Variants in STARD13 observed in about 807,000 individuals in gnomAD.
STARD13 encodes the protein stAR-related lipid transfer protein 13.
In STARD13, 62 loss-of-function variants were observed where a neutral mutation model predicts 106.4. The ratio of observed to expected loss-of-function variants is 0.58; its 90% CI spans 0.48 to 0.72. The LOEUF is 0.72. STARD13 is among the 30% of genes least tolerant of loss of function. The probability of loss-of-function intolerance (pLI) is 0.00; values close to 1 mark genes in which losing one functional copy is unlikely to be tolerated. For synonymous variants in STARD13, 565 were observed against 553.0 expected, an observed-to-expected ratio of 1.02 and a Z score of -0.31; for missense variants, 1,387 against 1,424.0, an observed-to-expected ratio of 0.97 and a Z score of 0.42.
intron 1 of STARD13, 86 bp downstream of exon 1, chr13:33,285,384 C>G: frequency 7.1e-7 from 1 of 1,408,058 alleles, no homozygotes; most frequent in Non-Finnish European, 9.7e-7. Context: ...AAAGTGGAAA[C>G]AAACAAACAA....
At chr13:33,286,902 G>A (rs531683008), upstream of STARD13, among the ~76,000 whole-genome samples, 8 of 151,974 alleles carry the variant, frequency 5.3e-5, no homozygotes, top group South Asian at 1.5e-3. Context: ...GTGTATATAT[G>A]TGTGTATATA....
the STARD13 span, among the ~76,000 whole-genome samples, chr13:33,443,044 A>T: frequency 6.6e-6 from 1 of 152,128 alleles, no homozygotes; most frequent in African/African-American, 2.4e-5. Flanking sequence ...GTTGCATAAC[A>T]ATCTGAATGT....
At chr13:33,161,493 T>C (rs894108829) in intron 3 of STARD13, among the ~76,000 whole-genome samples, 1 of 152,102 alleles carries the variant, frequency 6.6e-6, no homozygotes, top group Non-Finnish European at 1.5e-5. Context: ...TTTTGTATTT[T>C]TGGTAGGAAT....
At chr13:33,641,073 C>T in the STARD13 span, among the ~76,000 whole-genome samples, 9 of 152,198 alleles carry the variant, frequency 5.9e-5, no homozygotes, top group Non-Finnish European at 1.3e-4. Flanking sequence ...AGGGTATGAT[C>T]TAATGCTGAT....
the STARD13 span, among the ~76,000 whole-genome samples, chr13:33,380,125 C>A: frequency 1.4e-4 from 22 of 152,238 alleles, no homozygotes; most frequent in African/African-American, 4.3e-4. Context: ...GTGGCTCATG[C>A]CTGTAATCCC....
the STARD13 span, among the ~76,000 whole-genome samples, chr13:33,398,456 G>A: frequency 6.6e-6 from 1 of 152,036 alleles, no homozygotes; most frequent in Admixed American, 6.6e-5. Context: ...TTGGTCAACT[G>A]GACTTCATCA....
the STARD13 span, among the ~76,000 whole-genome samples, chr13:33,556,793 G>T: frequency 1.3e-5 from 2 of 151,076 alleles, no homozygotes; most frequent in Non-Finnish European, 3.0e-5. Context: ...TGTGAGACAG[G>T]GTCTCACTGT....
the STARD13 span, among the ~76,000 whole-genome samples, chr13:33,483,673 A>T: frequency 6.6e-6 from 1 of 152,180 alleles, no homozygotes; most frequent in Non-Finnish European, 1.5e-5. Flanking sequence ...GTTTTCCCAC[A>T]CTTGTAGTTA....
chr13:33,109,755 G>A, intron 12 of STARD13, 118 bp downstream of exon 12: 2 of 893,688 alleles, frequency 2.2e-6, no homozygotes, highest in Non-Finnish European at 3.5e-6. Flanking sequence ...ACAAGAGCCG[G>A]CTTAGTGTTC....
chr13:33,555,197 C>G, the STARD13 span, among the ~76,000 whole-genome samples: 2 of 152,230 alleles, frequency 1.3e-5, no homozygotes, highest in East Asian at 3.8e-4. Context: ...GGTGCCCTCT[C>G]AATCCATTCC....
At position 33,110,758 on chromosome 13, in the gene STARD13, T is replaced by C; in HGVS notation, c.2757A>G (p.Lys919=). 6.2e-7 allele frequency: 1 copy of C among 1,614,246 alleles called. No homozygotes were observed. Among genetic ancestry groups the C allele is most frequent in the Non-Finnish European group, 8.5e-7 (1 of 1,180,042 alleles). ...YLNHLIQGLQ[K]EAKEKFKGWV... is the part of the protein sequence containing the mutation. Reference sequence around the variant, plus strand: ...ATCCTTTGAACTTCTCCTTGGCTTCTTTCTGGAGGCCCTGGATGAGATGGT... The same window carrying C: ...ATCCTTTGAACTTCTCCTTGGCTTCCTTCTGGAGGCCCTGGATGAGATGGT... The change falls in exon 11 of 14, where the codon AAA becomes AAG. Residue 919 remains lysine (K), a synonymous_variant. Transcript: ENST00000336934.
chr13:33,242,171 G>A (rs888491224), intron 1 of STARD13, among the ~76,000 whole-genome samples: 1 of 152,120 alleles, frequency 6.6e-6, no homozygotes, highest in Non-Finnish European at 1.5e-5. Flanking sequence ...TGAGAAGTGA[G>A]GAGCCCCTCC....
rs997164805 is a variant in STARD13, at chr13:33,237,840, A to G, written c.169+47630T>C. On this transcript the variant is annotated intron_variant, in intron 1 of 13. Coordinates refer to ENST00000336934, the MANE Select transcript of STARD13 (RefSeq NM_178006.4). ...TCTTTATGGCTTAGAATCAAATGAA[A>G]CATTTTACCTGGTGACAAAAACCAA... is the stretch of plus-strand genomic sequence containing the variant. 6.6e-5 allele frequency among the ~76,000 whole-genome samples: 10 copies of G among 152,358 alleles called. No homozygotes were observed. In the East Asian group the frequency reaches 1.7e-3, roughly 26 times the overall value.
chr13:33,506,585 G>C, the STARD13 span, among the ~76,000 whole-genome samples: 1 of 152,136 alleles, frequency 6.6e-6, no homozygotes, highest in African/African-American at 2.4e-5. Flanking sequence ...AGAAGTGGAA[G>C]ATCTGCATAA....
the STARD13 span, among the ~76,000 whole-genome samples, chr13:33,591,510 T>C: frequency 6.6e-6 from 1 of 152,226 alleles, no homozygotes; most frequent in Non-Finnish European, 1.5e-5. Context: ...AAATGGAATC[T>C]ATGACCACAT....
chr13:33,171,823 C>A (rs1883997289), intron 1 of STARD13, among the ~76,000 whole-genome samples: 1 of 152,220 alleles, frequency 6.6e-6, no homozygotes, highest in Non-Finnish European at 1.5e-5. Context: ...ATCTGCGATT[C>A]CACTTAAGGC....
At chr13:33,297,079 G>A (rs1892524098) in intron 1 of STARD13, among the ~76,000 whole-genome samples, 1 of 152,230 alleles carries the variant, frequency 6.6e-6, no homozygotes, top group Admixed American at 6.5e-5. Flanking sequence ...TAGAGAATAT[G>A]TGTGTATGCA....
chr13:33,151,884 C>A (rs1376550446), intron 3 of STARD13, among the ~76,000 whole-genome samples: 1 of 152,064 alleles, frequency 6.6e-6, no homozygotes, highest in East Asian at 1.9e-4. Context: ...GAGACTCGGC[C>A]ATTGGTTGAT....
the STARD13 span, among the ~76,000 whole-genome samples, chr13:33,637,547 T>G: frequency 1.3e-5 from 2 of 152,196 alleles, no homozygotes; most frequent in African/African-American, 4.8e-5. Context: ...ATATCAATAT[T>G]ATTTTGATTT....
Sources: gnomAD v4.1 joint callset for allele counts (sites outside exome capture counted in the v4.1 genomes callset) on GRCh38, gnomAD v4.1.1 for gene constraint, MANE v1.5 for transcripts, NCBI Gene and HGNC (gene_info 2026-07-23, HGNC 2026-07-21) for gene names.